The following KIF24 variants were observed in gnomAD, a reference collection of about 807,000 sequenced individuals.
KIF24 encodes the protein kinesin-like protein KIF24.
In KIF24, 81 loss-of-function variants were observed where a neutral mutation model predicts 118.9. The ratio of observed to expected loss-of-function variants is 0.68; its 90% CI spans 0.57 to 0.82. KIF24 has a LOEUF of 0.82. Ranked by LOEUF, KIF24 falls within the 40% of genes least tolerant of loss-of-function variation. The pLI is 0.00. For missense variants in KIF24, 1,560 were observed against 1,661.6 expected (o/e 0.94, Z 1.06); for synonymous variants, 599 against 610.0 (o/e 0.98, Z 0.27).
chr9:34,276,367 A>C (rs940401808), intron 6 of KIF24, among the ~76,000 whole-genome samples: 6 of 146,798 alleles, frequency 4.1e-5, no homozygotes, highest in Non-Finnish European at 7.4e-5. Flanking sequence ...GTGCCATTGC[A>C]CTCCAGCCTG....
intron 7 of KIF24, among the ~76,000 whole-genome samples, chr9:34,269,947 G>A (rs1469353811): frequency 6.6e-6 from 1 of 152,000 alleles, no homozygotes; most frequent in Non-Finnish European, 1.5e-5. Context: ...AAACTGGCTG[G>A]GTGTGGTGGC....
chr9:34,290,252 C>CA lies in KIF24; in HGVS notation c.1048_1049insT (p.Arg350MetfsTer12). 1 of 1,613,988 alleles carries CA rather than the reference C, an allele frequency of 6.2e-7. No individual in the cohort carries two copies. The highest frequency in any genetic ancestry group is 1.1e-5 in the South Asian group (1 of 91,082). Reference sequence around the variant, plus strand: ...GCTGATCCACACAAAGAGGTGCTTTCTTGGCTGGGACACTTCTAGTTGCCT... The same window carrying CA: ...GCTGATCCACACAAAGAGGTGCTTTCATTGGCTGGGACACTTCTAGTTGCCT... On this transcript the variant is annotated frameshift_variant, in exon 5 of 13. Transcript: ENST00000402558. LOFTEE classifies it high-confidence loss of function.
chr9:34,321,988 C>G (rs1012261483), intron 1 of KIF24, among the ~76,000 whole-genome samples: 9 of 152,102 alleles, frequency 5.9e-5, no homozygotes, highest in African/African-American at 2.2e-4. Flanking sequence ...TGTAGCTGAT[C>G]TAGCCTATAA....
At chr9:34,296,827 A>G (rs12377356) in intron 4 of KIF24, among the ~76,000 whole-genome samples, 190 bp downstream of exon 4, 72,146 of 151,932 alleles carry the variant, frequency 0.47, 20,077 homozygotes, top group South Asian at 0.64. Context: ...ATTTTACTGC[A>G]AATTTCTAAA....
chr9:34,302,002 T>C (rs1421296200), intron 3 of KIF24, among the ~76,000 whole-genome samples: 1 of 147,370 alleles, frequency 6.8e-6, no homozygotes, highest in Non-Finnish European at 1.5e-5. Flanking sequence ...TTTTTCTTTT[T>C]TTTTTTTTTT....
intron 6 of KIF24, among the ~76,000 whole-genome samples, chr9:34,279,758 G>A (rs746827827): frequency 6.6e-6 from 1 of 152,260 alleles, no homozygotes; most frequent in Non-Finnish European, 1.5e-5. Context: ...ACACCTGAGA[G>A]TGAAATGTGA....
intron 5 of KIF24, among the ~76,000 whole-genome samples, chr9:34,288,848 C>A (rs1331100302): frequency 7.2e-6 from 1 of 138,902 alleles, no homozygotes; most frequent in African/African-American, 2.7e-5. Context: ...CCCAAATAAA[C>A]CACACACACA....
At chr9:34,317,348 C>G (rs1837362440) in intron 1 of KIF24, among the ~76,000 whole-genome samples, 1 of 151,892 alleles carries the variant, frequency 6.6e-6, no homozygotes, top group Admixed American at 6.6e-5. Flanking sequence ...CAAGATCACG[C>G]CACTGCACTC....
rs199529253 is a variant in KIF24 at position 34,254,393 on chromosome 9, G to C, written c.4094C>G (p.Thr1365Arg). 2.5e-6 allele frequency: 4 copies of C among 1,613,388 alleles called. No homozygotes were observed. In the East Asian group the frequency reaches 8.9e-5, roughly 36 times the overall value. Residue 1365 changes from threonine (T) to arginine (R), a missense_variant, in exon 13 of 13, where the codon ACA becomes AGA. Coordinates refer to ENST00000402558, the MANE Select transcript of KIF24 (RefSeq NM_194313.4). ...CHGPTAAPEG[T>R]VPS is the part of the protein sequence containing the mutation. The stretch of plus-strand genomic sequence containing the variant: ...CAGGGTCTGGCTCTAAGACGGCACT[G>C]TTCCCTCAGGGGCTGCGGTGGGCCC...
intron 3 of KIF24, among the ~76,000 whole-genome samples, chr9:34,299,074 G>A (rs1836593952): frequency 6.6e-6 from 1 of 151,664 alleles, no homozygotes; most frequent in Non-Finnish European, 1.5e-5. Flanking sequence ...TATGTTGGTA[G>A]CTCGTATATA....
intron 6 of KIF24, among the ~76,000 whole-genome samples, chr9:34,283,426 A>G (rs1170961179): frequency 6.6e-6 from 1 of 152,154 alleles, no homozygotes; most frequent in African/African-American, 2.4e-5. Context: ...TTATATCTCA[A>G]TAAGAAAATT....
At chr9:34,290,114 C>A in intron 5 of KIF24, 60 bp downstream of exon 5, 1 of 1,221,878 alleles carries the variant, frequency 8.2e-7, no homozygotes, top group Non-Finnish European at 1.2e-6. Context: ...AGTGATTCTC[C>A]GGGACTCTGG....
At chr9:34,317,175 G>A (rs754982290) in intron 1 of KIF24, among the ~76,000 whole-genome samples, 24 of 151,268 alleles carry the variant, frequency 1.6e-4, no homozygotes, top group African/African-American at 3.2e-4. Flanking sequence ...CTGAGATCGC[G>A]CCATTGCACT....
intron 6 of KIF24, among the ~76,000 whole-genome samples, chr9:34,286,335 AAAC>A (rs765066878): frequency 7.2e-5 from 11 of 152,158 alleles, no homozygotes; most frequent in East Asian, 3.9e-4. Context: ...CTCCATCTCA[AAAC>A]AACAACAACA....
intron 4 of KIF24, among the ~76,000 whole-genome samples, chr9:34,291,575 G>A (rs1349524987): frequency 6.6e-6 from 1 of 152,220 alleles, no homozygotes; most frequent in East Asian, 1.9e-4. Flanking sequence ...CACCCTTTAT[G>A]AGTGTGAAGA....
At chr9:34,285,019 C>G (rs1276809347) in intron 6 of KIF24, among the ~76,000 whole-genome samples, 1 of 151,576 alleles carries the variant, frequency 6.6e-6, no homozygotes, top group Non-Finnish European at 1.5e-5. Flanking sequence ...ATGCCCAGAA[C>G]AGGAAAAAAA....
In KIF24 at chr9:34,257,497, T is replaced by C; in HGVS notation, c.2110A>G (p.Lys704Glu). The change falls in exon 11 of 13, where the codon AAG (lysine) becomes GAG (glutamate). Residue 704 changes from lysine to glutamate, a missense_variant. Physicochemically the swap from Lys to Glu is moderately conservative, Grantham distance 56 (BLOSUM62 1). Transcript: ENST00000402558. ...ACTGGCTGCACTGTCTGCACTTTCT[T>C]GCACTTGGTGGACAGCTTACCACGC... is the stretch of plus-strand genomic sequence containing the variant. The part of the protein sequence containing the change: ...LVRGKLSTKC[K>E]KVQTVQPVQK... 6.2e-7 allele frequency: 1 copy of C among 1,614,078 alleles called. No homozygotes were observed. The highest frequency in any genetic ancestry group is 8.5e-7 in the Non-Finnish European group (1 of 1,179,896).
chr9:34,318,714 A>T lies in KIF24; in HGVS notation c.-25-7343T>A. 1 of 1,507,770 alleles carries T rather than the reference A, an allele frequency of 6.6e-7. No homozygotes were observed. The highest frequency in any genetic ancestry group is 9.0e-7 in the Non-Finnish European group (1 of 1,106,416). The allele number at this position is 1,507,770 out of a possible 1,614,324, so 93.4% of individuals were successfully genotyped here. Reference sequence around the variant, plus strand: ...GTGCTGAGTGCCAAGCAGCTGAGCGACGAGGAGGTGCACGCCGGCGTGGGC... The same window carrying T: ...GTGCTGAGTGCCAAGCAGCTGAGCGTCGAGGAGGTGCACGCCGGCGTGGGC... On this transcript the variant is annotated intron_variant, in intron 1 of 12. Transcript: ENST00000402558. This position sits in a 1 kb window ranked among gnomAD's most constrained non-coding sequence, Gnocchi z 4.9.
At chr9:34,320,514 T>C (rs1261112376) in intron 1 of KIF24, among the ~76,000 whole-genome samples, 1 of 150,794 alleles carries the variant, frequency 6.6e-6, no homozygotes, top group Non-Finnish European at 1.5e-5. Flanking sequence ...AAAAATTAGC[T>C]GGGCATGGTG....
Sources: gnomAD v4.1 joint callset for allele counts (sites outside exome capture counted in the v4.1 genomes callset) on GRCh38, gnomAD v4.1.1 for gene constraint, Gnocchi (gnomAD v3.1) non-coding constraint, MANE v1.5 for transcripts, NCBI Gene and HGNC (gene_info 2026-07-23, HGNC 2026-07-21) for gene names.